Variants in PTPRT observed in about 807,000 individuals in gnomAD.
PTPRT encodes protein tyrosine phosphatase receptor type T.
PTPRT carries 56 observed loss-of-function variants against 176.8 expected under a neutral mutation model. That is an observed-to-expected ratio of 0.32 (90% CI 0.26 to 0.40). The LOEUF (loss-of-function observed/expected upper bound fraction) is 0.40. PTPRT is among the 10% of genes least tolerant of loss of function. PTPRT has a pLI of 1.00. For synonymous variants in PTPRT, 783 were observed against 739.0 expected (o/e 1.06, Z -0.96); for missense variants, 1,540 against 1,908.2 (o/e 0.81, Z 3.60).
chr20:42,395,415 G>A (rs575112926), intron 9 of PTPRT, among the ~76,000 whole-genome samples: 4 of 152,194 alleles, frequency 2.6e-5, no homozygotes, highest in Admixed American at 6.5e-5. Flanking sequence ...TTTACCAAAC[G>A]TCATCCCAAG....
chr20:43,162,052 G>A (rs918290967), intron 1 of PTPRT, among the ~76,000 whole-genome samples: 4 of 152,154 alleles, frequency 2.6e-5, no homozygotes, highest in East Asian at 3.9e-4. Flanking sequence ...CGAAACTGGC[G>A]GGCAAGAAGC....
Position 42,731,393 on chromosome 20 carries a change from A to G in PTPRT, c.859+25069T>C, listed in dbSNP as rs1462518494. Among the ~76,000 whole-genome samples, 4 of 152,250 alleles carry G rather than the reference A, an allele frequency of 2.6e-5. No homozygotes were observed. The East Asian group carries it at 7.7e-4, about 29-fold the overall frequency. ...TCTTAATTACCGAGCAGGCAAGATC[A>G]GAAAAGATGGCTCCAGTGGAGATGG... On this transcript the variant is annotated intron_variant, in intron 6 of 30. Transcript: ENST00000373187.
rs1302531206 is a variant in PTPRT, at chr20:42,078,662, C to T, written c.*2217G>A. The T allele has an allele frequency of 1.7e-5, 3 of 179,488 alleles. No individual in the cohort carries two copies. Among genetic ancestry groups the T allele is most frequent in the East Asian group, 9.2e-5 (1 of 10,832 alleles). The allele number at this position is 179,488 out of a possible 1,614,324, so 11.1% of individuals were successfully genotyped here. A position where few individuals can be genotyped will look rare whatever the true frequency, so the allele number is the denominator to read the frequency against. ...CTGTACTCGCGATGGGCATCTGTCT[C>T]CTGGACCCTGGCTCATCTCTTGCTG... On this transcript the variant is annotated 3_prime_UTR_variant, in exon 31 of 31. Transcript: ENST00000373187.
intron 9 of PTPRT, among the ~76,000 whole-genome samples, chr20:42,362,396 G>A (rs996209343): frequency 1.3e-5 from 2 of 150,170 alleles, no homozygotes; most frequent in Non-Finnish European, 3.0e-5. Flanking sequence ...CTAATCGTGA[G>A]AAAACATCAG....
chr20:42,475,313 T>C (rs146188777), intron 7 of PTPRT, among the ~76,000 whole-genome samples: 2 of 152,162 alleles, frequency 1.3e-5, no homozygotes, highest in Non-Finnish European at 2.9e-5. Flanking sequence ...TGACCCCACA[T>C]GTAGTGTGCA....
chr20:43,001,455 A>C (rs1984546122), intron 1 of PTPRT, among the ~76,000 whole-genome samples: 1 of 150,628 alleles, frequency 6.6e-6, no homozygotes, highest in Admixed American at 6.6e-5. Flanking sequence ...TATTCCCTAT[A>C]GCAAAGGTGG....
At chr20:42,197,448 T>A (rs1454121128) in intron 16 of PTPRT, among the ~76,000 whole-genome samples, 1 of 137,782 alleles carries the variant, frequency 7.3e-6, no homozygotes, top group Non-Finnish European at 1.5e-5. Context: ...CTGTTCTAGA[T>A]CAAAGAGGAT....
At chr20:42,512,049 C>T (rs2071967983) in intron 7 of PTPRT, among the ~76,000 whole-genome samples, 1 of 152,148 alleles carries the variant, frequency 6.6e-6, no homozygotes, top group Non-Finnish European at 1.5e-5. Flanking sequence ...CTGGAGGCAA[C>T]TACTCATAGC....
intron 5 of PTPRT, among the ~76,000 whole-genome samples, chr20:42,759,815 G>T (rs928594767): frequency 3.9e-5 from 6 of 152,138 alleles, no homozygotes; most frequent in African/African-American, 1.4e-4. Flanking sequence ...TGAAATCATC[G>T]TCTGGCCCTC....
In PTPRT at chr20:42,542,974, T is replaced by C. The variant is rs2224165; in HGVS notation, c.1154-70412A>G. 3.5e-3 allele frequency among the ~76,000 whole-genome samples: 533 copies of C among 152,356 alleles called. 8 individuals are homozygous for C. The highest frequency in any genetic ancestry group is 0.012 in the African/African-American group (514 of 41,588). On this transcript the variant is annotated intron_variant, in intron 7 of 30. Transcript: ENST00000373187. ...ACATTACTTACTGAAAAATACTTTG[T>C]TGCTGAAAAATGCTAAGGATCATCT...
rs553911038 is a variant in PTPRT at position 42,542,755 on chromosome 20, G to T, written c.1154-70193C>A. On this transcript the variant is annotated intron_variant, in intron 7 of 30. Coordinates refer to ENST00000373187, the MANE Select transcript of PTPRT (RefSeq NM_007050.6). ...AACTACTTATATATCTATTAGCAGG[G>T]GACTGTTAAATCCACCAAGTTTCAT... Among the ~76,000 whole-genome samples, 70 of 152,136 alleles carry T rather than the reference G, an allele frequency of 4.6e-4. 1 individual carries two copies. The South Asian group carries it at 8.5e-3, about 19-fold the overall frequency.
At chr20:42,778,320 C>A (rs969284475) in intron 4 of PTPRT, among the ~76,000 whole-genome samples, 10 of 152,122 alleles carry the variant, frequency 6.6e-5, no homozygotes, top group African/African-American at 2.4e-4. Flanking sequence ...AAGGTAGTTA[C>A]GGCTAGGGTA....
At position 42,249,160 on chromosome 20, in the gene PTPRT, G is replaced by T. The variant is rs150726574; in HGVS notation, c.2177-338C>A. 5.2e-4 allele frequency among the ~76,000 whole-genome samples: 79 copies of T among 152,076 alleles called. No homozygotes were observed. The East Asian group carries it at 0.013, about 26-fold the overall frequency. Reference sequence around the variant, plus strand: ...TTTCTCTCATATTGCTTTGTCTCTAGGATCAAACCATGGAACACTGGGAAT... The same window carrying T: ...TTTCTCTCATATTGCTTTGTCTCTATGATCAAACCATGGAACACTGGGAAT... On this transcript the variant is annotated intron_variant, in intron 13 of 30. Coordinates refer to ENST00000373187, the MANE Select transcript of PTPRT (RefSeq NM_007050.6).
chr20:42,066,229 A>G, the PTPRT span, among the ~76,000 whole-genome samples: 1 of 151,530 alleles, frequency 6.6e-6, no homozygotes, highest in Non-Finnish European at 1.5e-5. Flanking sequence ...TTTAATAGAG[A>G]CAGGGTTTCA....
intron 2 of PTPRT, among the ~76,000 whole-genome samples, chr20:42,837,676 G>T (rs373113418): frequency 6.6e-6 from 1 of 152,142 alleles, no homozygotes; most frequent in Non-Finnish European, 1.5e-5. Flanking sequence ...CCATTGCTGG[G>T]TCCTCAGAGC....
At chr20:42,555,233 T>A (rs759911056) in intron 7 of PTPRT, among the ~76,000 whole-genome samples, 7 of 152,188 alleles carry the variant, frequency 4.6e-5, no homozygotes, top group Non-Finnish European at 1.0e-4. Flanking sequence ...TGGTACATCA[T>A]CCATTGTTTA....
At chr20:43,111,093 A>T (rs1439901128) in intron 1 of PTPRT, among the ~76,000 whole-genome samples, 1 of 152,186 alleles carries the variant, frequency 6.6e-6, no homozygotes, top group African/African-American at 2.4e-5. Context: ...TCGTGTGGAT[A>T]GGGTGATCCA....
At chr20:42,126,820 C>A (rs1987881992) in intron 19 of PTPRT, among the ~76,000 whole-genome samples, 1 of 152,194 alleles carries the variant, frequency 6.6e-6, no homozygotes, top group Admixed American at 6.5e-5. Flanking sequence ...GGAAAGGCTG[C>A]TGGCATGATG....
rs148357893 is a variant in PTPRT at position 42,486,715 on chromosome 20, G to C, written c.1154-14153C>G. Among the ~76,000 whole-genome samples, 178 of 151,620 alleles carry C rather than the reference G, an allele frequency of 1.2e-3. 3 individuals carry two copies. In the East Asian group the frequency reaches 0.032, roughly 27 times the overall value. ...GTGGATCAGCCAGGCATGGCTCCAG[G>C]CTATGAGTTGTGCCCAGGTCTGCCT... On this transcript the variant is annotated intron_variant, in intron 7 of 30. Coordinates refer to ENST00000373187, the MANE Select transcript of PTPRT (RefSeq NM_007050.6).
Sources: gnomAD v4.1 joint callset for allele counts (sites outside exome capture counted in the v4.1 genomes callset) on GRCh38, gnomAD v4.1.1 for gene constraint, MANE v1.5 for transcripts, NCBI Gene and HGNC (gene_info 2026-07-23, HGNC 2026-07-21) for gene names.